PTPRR: variants seen among roughly 807,000 people sequenced by gnomAD.
The protein encoded by PTPRR is protein tyrosine phosphatase receptor type R.
Under a neutral mutation model 77.2 loss-of-function variants are expected in PTPRR, and 38 were observed. The observed-to-expected ratio is 0.49, with a 90% CI of 0.38 to 0.65. PTPRR has a LOEUF of 0.65. Among genes scored for constraint, PTPRR ranks in the 30% least tolerant of loss-of-function variants. PTPRR has a pLI of 0.00. For synonymous variants in PTPRR, 299 were observed against 283.1 expected (o/e 1.06, Z -0.57); for missense variants, 744 against 799.2 (o/e 0.93, Z 0.83).
At chr12:70,814,292 C>A (rs1344154875) in intron 2 of PTPRR, among the ~76,000 whole-genome samples, 2 of 152,074 alleles carry the variant, frequency 1.3e-5, no homozygotes, top group Non-Finnish European at 1.5e-5. Context: ...AAGTAACCAG[C>A]CTTAATTAAG....
intron 6 of PTPRR, among the ~76,000 whole-genome samples, chr12:70,737,525 T>TCTAGCTAG (rs149279248): frequency 7.3e-5 from 11 of 151,348 alleles, no homozygotes; most frequent in African/African-American, 2.7e-4. Flanking sequence ...TATCTATCTA[T>TCTAGCTAG]CTATCTATCT....
At chr12:70,901,876 A>T (rs921446219) in intron 1 of PTPRR, among the ~76,000 whole-genome samples, 1 of 151,688 alleles carries the variant, frequency 6.6e-6, no homozygotes, top group Non-Finnish European at 1.5e-5. Flanking sequence ...TTCTATTTTT[A>T]GTTTTTAAAG....
chr12:70,889,665 A>G (rs1040285495), intron 2 of PTPRR, among the ~76,000 whole-genome samples: 2 of 152,010 alleles, frequency 1.3e-5, no homozygotes, highest in Admixed American at 6.6e-5. Context: ...TCATCTTCCT[A>G]TGTGCTCACA....
chr12:70,668,113 C>T (rs1887077258), intron 10 of PTPRR, among the ~76,000 whole-genome samples: 1 of 152,050 alleles, frequency 6.6e-6, no homozygotes, highest in Admixed American at 6.5e-5. Flanking sequence ...TCATACATAC[C>T]ACTTTCTGGA....
chr12:70,748,456 C>T lies in PTPRR; in HGVS notation c.739-2370G>A, dbSNP rs531384182. 3.4e-4 allele frequency among the ~76,000 whole-genome samples: 52 copies of T among 152,222 alleles called. No individual in the cohort carries two copies. In the South Asian group the frequency reaches 5.4e-3, roughly 16 times the overall value. On this transcript the variant is annotated intron_variant, in intron 5 of 13. Coordinates refer to ENST00000283228, the MANE Select transcript of PTPRR (RefSeq NM_002849.4). The stretch of plus-strand genomic sequence containing the variant: ...TGAAAAACTCAACCTAAAAGCTTAC[C>T]GTAGCAATGGCAAGTCAACATTTTG...
chr12:70,701,692 G>A (rs1261447467), intron 6 of PTPRR, among the ~76,000 whole-genome samples: 5 of 152,112 alleles, frequency 3.3e-5, no homozygotes, highest in Admixed American at 6.6e-5. Context: ...GGCTTCTGGG[G>A]CCAGATGAGG....
intron 2 of PTPRR, among the ~76,000 whole-genome samples, chr12:70,814,213 GA>G (rs929445086): frequency 1.3e-5 from 2 of 152,186 alleles, no homozygotes; most frequent in Non-Finnish European, 2.9e-5. Context: ...ATTTGACCTA[GA>G]GGGGCAGGCT....
intron 2 of PTPRR, among the ~76,000 whole-genome samples, chr12:70,815,121 G>A (rs1891878147): frequency 7.2e-6 from 1 of 138,136 alleles, no homozygotes; most frequent in Non-Finnish European, 1.5e-5. Flanking sequence ...ATTCTAAGGA[G>A]AGATAAGATA....
intron 2 of PTPRR, among the ~76,000 whole-genome samples, chr12:70,782,569 C>G (rs1486655662): frequency 6.6e-6 from 1 of 152,046 alleles, no homozygotes; most frequent in African/African-American, 2.4e-5. Flanking sequence ...AACCATCATT[C>G]TCAGCAAACT....
chr12:70,653,003 T>A (rs1219609786), intron 13 of PTPRR, among the ~76,000 whole-genome samples: 4 of 152,132 alleles, frequency 2.6e-5, no homozygotes, highest in Non-Finnish European at 5.9e-5. Context: ...CCAAATAGGA[T>A]CAGAACAGGT....
intron 2 of PTPRR, among the ~76,000 whole-genome samples, chr12:70,780,470 A>C (rs1891180581): frequency 1.3e-5 from 2 of 152,306 alleles, no homozygotes; most frequent in African/African-American, 4.8e-5. Flanking sequence ...ATGATTAGAA[A>C]AAAGAAATAA....
chr12:70,704,866 A>G (rs1222255264), intron 6 of PTPRR, among the ~76,000 whole-genome samples: 1 of 152,138 alleles, frequency 6.6e-6, no homozygotes, highest in Non-Finnish European at 1.5e-5. Flanking sequence ...TGAAAGCTTT[A>G]CTTTTATTTT....
chr12:70,867,866 C>A (rs986522554), intron 2 of PTPRR, among the ~76,000 whole-genome samples: 1 of 152,000 alleles, frequency 6.6e-6, no homozygotes, highest in Non-Finnish European at 1.5e-5. Context: ...AGAACAGAGC[C>A]CTCAGAAATA....
At chr12:70,843,660 A>G (rs1592788708) in intron 2 of PTPRR, among the ~76,000 whole-genome samples, 1 of 152,132 alleles carries the variant, frequency 6.6e-6, no homozygotes, top group African/African-American at 2.4e-5. Flanking sequence ...AAACCTGTTT[A>G]TGCTAATTAT....
chr12:70,796,263 A>C (rs183603227), intron 2 of PTPRR, among the ~76,000 whole-genome samples: 1 of 152,030 alleles, frequency 6.6e-6, no homozygotes, highest in Non-Finnish European at 1.5e-5. Context: ...TCTGTCTTCC[A>C]TTTCATTTGA....
At chr12:70,738,451 T>G (rs1035174851) in intron 6 of PTPRR, among the ~76,000 whole-genome samples, 2 of 152,212 alleles carry the variant, frequency 1.3e-5, no homozygotes, top group Middle Eastern at 3.2e-3. Flanking sequence ...CCACTCTTCC[T>G]TCCTGGACAG....
At chr12:70,901,414 T>C (rs1592824423) in intron 1 of PTPRR, among the ~76,000 whole-genome samples, 1 of 151,730 alleles carries the variant, frequency 6.6e-6, no homozygotes, top group Non-Finnish European at 1.5e-5. Flanking sequence ...AATAGGCACA[T>C]AGACCAATGG....
At chr12:70,743,044 AG>A (rs1890102358) in intron 6 of PTPRR, among the ~76,000 whole-genome samples, 1 of 152,190 alleles carries the variant, frequency 6.6e-6, no homozygotes, top group Non-Finnish European at 1.5e-5. Flanking sequence ...ATTGAGCTAA[AG>A]GTACTTTTTC....
intron 13 of PTPRR, among the ~76,000 whole-genome samples, chr12:70,651,249 A>G (rs1566043096): frequency 6.6e-6 from 1 of 152,172 alleles, no homozygotes. Context: ...CAGGAGTTAC[A>G]CTCTCTCCAG....
Sources: gnomAD v4.1 joint callset for allele counts (sites outside exome capture counted in the v4.1 genomes callset) on GRCh38, gnomAD v4.1.1 for gene constraint, MANE v1.5 for transcripts, NCBI Gene and HGNC (gene_info 2026-07-23, HGNC 2026-07-21) for gene names.